The following ARR3 variants were observed in gnomAD, a reference collection of about 807,000 sequenced individuals.
The protein encoded by ARR3 is arrestin-C.
ARR3 carries 14 observed loss-of-function variants against 35.4 expected under a neutral mutation model. That is an observed-to-expected ratio of 0.40 (90% CI 0.26 to 0.62). The LOEUF (loss-of-function observed/expected upper bound fraction) is 0.62. ARR3 is among the 20% of genes least tolerant of loss of function. The pLI is 0.46. For synonymous variants in ARR3, 97 were observed against 119.1 expected (o/e 0.81, Z 1.21); for missense variants, 259 against 303.8 (o/e 0.85, Z 1.10).
intron 8 of ARR3, 65 bp downstream of exon 8, chrX:70,276,801 C>G (rs1569221541): frequency 2.6e-5 from 27 of 1,039,829 alleles, no homozygotes; most frequent in Non-Finnish European, 3.5e-5. Flanking sequence ...ATCCTGCTCT[C>G]ATGACAGAAA....
chrX:70,281,681 A>T lies in ARR3; in HGVS notation c.1082A>T (p.Glu361Val), dbSNP rs761612877. 6 of 1,183,157 alleles carry T rather than the reference A, an allele frequency of 5.1e-6. No homozygotes were observed. Among genetic ancestry groups the T allele is most frequent in the Non-Finnish European group, 2.3e-6 (2 of 880,451 alleles). The change falls in exon 17 of 17, where the codon GAG becomes GTG. Residue 361 changes from glutamate to valine, a missense_variant. By Grantham distance (121) the Glu-to-Val change is moderately radical. Coordinates refer to ENST00000307959, the MANE Select transcript of ARR3 (RefSeq NM_004312.3). ...PKPSHEAASS[E>V]DIVIEEFTRK... The stretch of plus-strand genomic sequence containing the variant: ...TCTTCTGCTGCTTCTGCAAGCTCTG[A>T]GGACATAGTCATCGAGGAGTTTACG...
chrX:70,272,803 C>T (rs1447066819), intron 5 of ARR3, among the ~76,000 whole-genome samples: 1 of 112,448 alleles, frequency 8.9e-6, no homozygotes, highest in Non-Finnish European at 1.9e-5. Flanking sequence ...AATATAGGTT[C>T]ATTTTTCTCA....
Position 70,277,549 on chromosome X carries a change from TG to T in ARR3, c.609+21del. On this transcript the variant is annotated intron_variant, in intron 9 of 16. Coordinates refer to ENST00000307959, the MANE Select transcript of ARR3 (RefSeq NM_004312.3). ...AGGGAGGTTTGTGACCCCCACTTTT[TG>T]CCTCCCACCCCAGAACCCCTCTGAT... 8.3e-7 allele frequency: 1 copy of T among 1,205,195 alleles called. No homozygotes were observed. Among genetic ancestry groups the T allele is most frequent in the East Asian group, 3.0e-5 (1 of 33,752 alleles).
intron 5 of ARR3, among the ~76,000 whole-genome samples, chrX:70,270,355 G>A (rs992226185): frequency 1.8e-5 from 2 of 112,176 alleles, no homozygotes; most frequent in African/African-American, 6.5e-5. Flanking sequence ...GACTTTTAGA[G>A]GCCCAAAGTG....
At chrX:70,278,322 G>A (rs1304812437) in intron 11 of ARR3, among the ~76,000 whole-genome samples, 182 bp from the exon 12 acceptor site, 12 of 111,171 alleles carry the variant, frequency 1.1e-4, no homozygotes, top group Non-Finnish European at 1.3e-4. Context: ...GATGCTGAGC[G>A]AGGGCAGGGG....
intron 6 of ARR3, 65 bp from the exon 7 acceptor site, chrX:70,276,368 C>A: frequency 8.4e-7 from 1 of 1,190,654 alleles, no homozygotes. Context: ...AGAGGGTTCC[C>A]CATTTCTTTT....
intron 1 of ARR3, 142 bp from the exon 2 acceptor site, chrX:70,269,214 A>C (rs1290507753): frequency 3.8e-6 from 2 of 522,100 alleles, no homozygotes; most frequent in Non-Finnish European, 5.8e-6. Flanking sequence ...AGAAGGGAGA[A>C]TAGGAGGTAC....
Position 70,276,661 on chromosome X carries a change from C to G in ARR3, c.406-8C>G, listed in dbSNP as rs1161072660. 1.7e-6 allele frequency: 2 copies of G among 1,209,224 alleles called. No individual in the cohort carries two copies. Among genetic ancestry groups the G allele is most frequent in the Non-Finnish European group, 2.2e-6 (2 of 894,412 alleles). ...AAATGAGCTCTCTTTGCCCTTGTCC[C>G]TTTACAGCCCTGTGGGATTGACTTT... is the stretch of plus-strand genomic sequence containing the variant. On this transcript the variant is annotated splice_polypyrimidine_tract_variant and splice_region_variant and intron_variant, in intron 7 of 16. Coordinates refer to ENST00000307959, the MANE Select transcript of ARR3 (RefSeq NM_004312.3).
rs369147748 is a variant in ARR3, at chrX:70,276,420, T to G, written c.346-13T>G. 1.1e-5 allele frequency: 13 copies of G among 1,208,213 alleles called. No individual in the cohort carries two copies. The highest frequency in any genetic ancestry group is 1.5e-5 in the Non-Finnish European group (13 of 893,390). ...TTTTCTACTTCTTTTCTGATCTCCTTTTTGTCCCCTAGATGGTGACCAACC... is the reference window on the plus strand; with the variant it reads ...TTTTCTACTTCTTTTCTGATCTCCTGTTTGTCCCCTAGATGGTGACCAACC... On this transcript the variant is annotated splice_polypyrimidine_tract_variant and intron_variant, in intron 6 of 16. Transcript: ENST00000307959.
intron 16 of ARR3, chrX:70,281,380 C>T: frequency 2.3e-6 from 1 of 443,302 alleles, no homozygotes; most frequent in South Asian, 3.4e-5. Context: ...CCCCCACCCG[C>T]TCGCCCTTAC....
rs371796074 is a variant in ARR3, at chrX:70,280,848, G to A, written c.1066+30G>A. On this transcript the variant is annotated intron_variant, in intron 15 of 16. Coordinates refer to ENST00000307959, the MANE Select transcript of ARR3 (RefSeq NM_004312.3). ...GTGACCAGGTGGAACTCACAGGGAC[G>A]GCTGTCCTGAGGGCTGGGGTCCAAA... The A allele has an allele frequency of 1.3e-5, 16 of 1,205,799 alleles. No homozygotes were observed. In the African/African-American group the frequency reaches 1.6e-4, roughly 12 times the overall value.
chrX:70,278,365 C>A, intron 11 of ARR3, 139 bp from the exon 12 acceptor site: 1 of 832,801 alleles, frequency 1.2e-6, no homozygotes, highest in Non-Finnish European at 1.7e-6. Flanking sequence ...TAATTTCTCC[C>A]AGTCTTCAGT....
At chrX:70,280,644 C>A in intron 14 of ARR3, 62 bp downstream of exon 14, 1 of 1,191,315 alleles carries the variant, frequency 8.4e-7, no homozygotes, top group Non-Finnish European at 1.1e-6. Context: ...ATAAGGAGAG[C>A]AAAATAATGA....
intron 12 of ARR3, among the ~76,000 whole-genome samples, chrX:70,278,976 G>A (rs768524521): frequency 8.8e-6 from 1 of 113,084 alleles, no homozygotes; most frequent in Admixed American, 9.3e-5. Context: ...CTGGACAGGT[G>A]TTCTTATTCC....
chrX:70,279,267 G>A (rs2085668454), intron 12 of ARR3, among the ~76,000 whole-genome samples: 1 of 112,679 alleles, frequency 8.9e-6, no homozygotes, highest in African/African-American at 3.2e-5. Flanking sequence ...GGAGGCCCTA[G>A]TGTTAGATGT....
Position 70,275,968 on chromosome X carries a change from C to T in ARR3, c.146-114C>T, listed in dbSNP as rs182004974. ...CTGGGATTACAGGCGTGAGCCACCG[C>T]GCCCAGCCAGCCTTCGATCATATTA... On this transcript the variant is annotated intron_variant, in intron 5 of 16. Transcript: ENST00000307959. 2.0e-4 allele frequency: 175 copies of T among 866,773 alleles called. No homozygotes were observed. The East Asian group carries it at 4.9e-3, about 24-fold the overall frequency. The allele number at this position is 866,773 out of a possible 1,213,427, so 71.4% of individuals were successfully genotyped here.
intron 12 of ARR3, 71 bp downstream of exon 12, chrX:70,278,712 C>G: frequency 8.8e-7 from 1 of 1,141,284 alleles, no homozygotes; most frequent in Non-Finnish European, 1.2e-6. Context: ...ATTTACAGCT[C>G]TGAGGTTTCA....
At chrX:70,271,498 A>G (rs754294344) in intron 5 of ARR3, among the ~76,000 whole-genome samples, 1 of 112,385 alleles carries the variant, frequency 8.9e-6, no homozygotes, top group East Asian at 2.8e-4. Context: ...GGCCAGTGAT[A>G]GGGCAGTATA....
At chrX:70,280,469 T>G in intron 13 of ARR3, 90 bp from the exon 14 acceptor site, 1 of 1,051,861 alleles carries the variant, frequency 9.5e-7, no homozygotes, top group Non-Finnish European at 1.3e-6. Context: ...GGCTGGCTCA[T>G]TAGGTCTTAT....
Sources: gnomAD v4.1 joint callset for allele counts (sites outside exome capture counted in the v4.1 genomes callset) on GRCh38, gnomAD v4.1.1 for gene constraint, MANE v1.5 for transcripts, NCBI Gene and HGNC (gene_info 2026-07-23, HGNC 2026-07-21) for gene names.